Variants in SYNDIG1L observed in about 807,000 individuals in gnomAD.
SYNDIG1L encodes synapse differentiation-inducing gene protein 1-like.
Under a neutral mutation model 20.1 loss-of-function variants are expected in SYNDIG1L, and 13 were observed. The ratio of observed to expected loss-of-function variants is 0.65; its 90% CI spans 0.42 to 1.03. SYNDIG1L has a LOEUF of 1.03. Among genes scored for constraint, SYNDIG1L ranks in the 50% least tolerant of loss-of-function variants. SYNDIG1L has a pLI of 0.00. For synonymous variants in SYNDIG1L, 128 were observed against 129.3 expected (o/e 0.99, Z 0.07); for missense variants, 294 against 305.1 (o/e 0.96, Z 0.27).
At chr14:74,458,310 T>C in the SYNDIG1L span, among the ~76,000 whole-genome samples, 1 of 152,112 alleles carries the variant, frequency 6.6e-6, no homozygotes, top group Non-Finnish European at 1.5e-5. Flanking sequence ...GAAAGTGCTG[T>C]GCAGGCTGGG....
At chr14:74,459,648 G>A in the SYNDIG1L span, among the ~76,000 whole-genome samples, 1 of 152,218 alleles carries the variant, frequency 6.6e-6, no homozygotes, top group Non-Finnish European at 1.5e-5. Context: ...CCAGACTCTG[G>A]TCCAGGAGCC....
chr14:74,455,919 C>T, the SYNDIG1L span, among the ~76,000 whole-genome samples: 2 of 152,208 alleles, frequency 1.3e-5, no homozygotes, highest in Admixed American at 1.3e-4. Flanking sequence ...AGATGAGACT[C>T]CTTTCAGTGG....
At chr14:74,460,637 GC>G in the SYNDIG1L span, among the ~76,000 whole-genome samples, 3 of 152,156 alleles carry the variant, frequency 2.0e-5, no homozygotes, top group South Asian at 6.2e-4. Flanking sequence ...GCCAGCCTGG[GC>G]CCATGTTCCA....
chr14:74,447,754 G>A, the SYNDIG1L span, among the ~76,000 whole-genome samples: 1 of 152,058 alleles, frequency 6.6e-6, no homozygotes, highest in Non-Finnish European at 1.5e-5. Context: ...TAGTCTAATG[G>A]TAAAATATAG....
chr14:74,408,529 A>G (rs950384245), intron 2 of SYNDIG1L, among the ~76,000 whole-genome samples: 2 of 148,374 alleles, frequency 1.3e-5, no homozygotes, highest in Non-Finnish European at 3.0e-5. Flanking sequence ...GCACCTTTGC[A>G]CTCCAGCCGG....
the SYNDIG1L span, among the ~76,000 whole-genome samples, chr14:74,458,357 G>A: frequency 4.0e-5 from 6 of 151,792 alleles, no homozygotes; most frequent in South Asian, 2.1e-4. Flanking sequence ...GCACTTTGGC[G>A]GGTAACCTCA....
At chr14:74,455,711 G>A in the SYNDIG1L span, among the ~76,000 whole-genome samples, 2 of 152,192 alleles carry the variant, frequency 1.3e-5, no homozygotes, top group Non-Finnish European at 2.9e-5. Context: ...GAGCCGCAGT[G>A]CCCAGCTCCT....
chr14:74,469,599 T>C, the SYNDIG1L span, among the ~76,000 whole-genome samples: 8 of 152,064 alleles, frequency 5.3e-5, no homozygotes, highest in Non-Finnish European at 1.0e-4. Flanking sequence ...TCGCCTGAAG[T>C]TGTAGATGAG....
In SYNDIG1L at chr14:74,405,981, G is replaced by C. The variant is rs2086075098; in HGVS notation, c.*1554C>G. 5.0e-6 allele frequency: 2 copies of C among 398,776 alleles called. No individual in the cohort carries two copies. The highest frequency in any genetic ancestry group is 2.5e-4 in the South Asian group (2 of 7,872). 24.7% of individuals were successfully genotyped at this position (398,776 alleles called of 1,614,324 possible). ...GCTGTGATGCAGGAGTGGAGGGCTG[G>C]GCAGTGCCCGAGGCAGGGGAGGACA... is the stretch of plus-strand genomic sequence containing the variant. On this transcript the variant is annotated 3_prime_UTR_variant, in exon 4 of 4. Transcript: ENST00000331628.
the SYNDIG1L span, among the ~76,000 whole-genome samples, chr14:74,475,255 T>A: frequency 6.6e-6 from 1 of 151,480 alleles, no homozygotes; most frequent in African/African-American, 2.4e-5. Flanking sequence ...CAGCTACTTA[T>A]TATGCGTCAG....
chr14:74,433,858 A>T, the SYNDIG1L span, among the ~76,000 whole-genome samples: 1 of 152,336 alleles, frequency 6.6e-6, no homozygotes, highest in South Asian at 2.1e-4. Context: ...TTAATACCAT[A>T]CTAACTATGT....
the SYNDIG1L span, among the ~76,000 whole-genome samples, chr14:74,449,944 A>C: frequency 6.6e-6 from 1 of 152,166 alleles, no homozygotes; most frequent in Non-Finnish European, 1.5e-5. Context: ...ACCAAATGAT[A>C]GTTCTTTATC....
intron 1 of SYNDIG1L, among the ~76,000 whole-genome samples, chr14:74,412,151 G>T (rs2086136201): frequency 6.6e-6 from 1 of 152,204 alleles, no homozygotes; most frequent in Non-Finnish European, 1.5e-5. Flanking sequence ...GAACCCCTTG[G>T]ATTATAGTGA....
At chr14:74,412,978 C>A (rs1225538884) in intron 1 of SYNDIG1L, among the ~76,000 whole-genome samples, 1 of 152,140 alleles carries the variant, frequency 6.6e-6, no homozygotes, top group Non-Finnish European at 1.5e-5. Flanking sequence ...GCCCACAGAG[C>A]AGATTACTGC....
chr14:74,439,740 G>A, the SYNDIG1L span, among the ~76,000 whole-genome samples: 3 of 151,944 alleles, frequency 2.0e-5, no homozygotes, highest in South Asian at 4.2e-4. Context: ...TTAGCCGGGC[G>A]TGGTGGTGCA....
At chr14:74,476,238 C>T in the SYNDIG1L span, 3 of 589,352 alleles carry the variant, frequency 5.1e-6, no homozygotes, top group Admixed American at 8.9e-5. Context: ...TGAGAACAGT[C>T]TGCTGCTGCT....
chr14:74,469,910 C>T, the SYNDIG1L span, among the ~76,000 whole-genome samples: 1 of 152,142 alleles, frequency 6.6e-6, no homozygotes, highest in Admixed American at 6.5e-5. Context: ...CAGAAATAAA[C>T]AGGATTTCTG....
At chr14:74,441,723 G>C in the SYNDIG1L span, among the ~76,000 whole-genome samples, 4 of 152,124 alleles carry the variant, frequency 2.6e-5, no homozygotes, top group East Asian at 7.7e-4. Flanking sequence ...ATATTTCTCA[G>C]ACTGGTCTTG....
chr14:74,457,103 G>A, the SYNDIG1L span, among the ~76,000 whole-genome samples: 1 of 152,276 alleles, frequency 6.6e-6, no homozygotes, highest in South Asian at 2.1e-4. Context: ...TTTGACAGCC[G>A]GGAAGGCTGG....
Sources: allele counts gnomAD v4.1 joint callset (sites outside exome capture counted in the v4.1 genomes callset), GRCh38; gene constraint gnomAD v4.1.1; transcripts MANE v1.5; gene names NCBI Gene and HGNC (gene_info 2026-07-23, HGNC 2026-07-21).